PAQR5: variants seen among roughly 807,000 people sequenced by gnomAD.
The protein encoded by PAQR5 is progestin and adipoQ receptor family member 5.
In PAQR5, 20 loss-of-function variants were observed where a neutral mutation model predicts 34.5. The observed-to-expected ratio is 0.58, with a 90% CI of 0.41 to 0.84. PAQR5 has a LOEUF of 0.84. Among genes scored for constraint, PAQR5 ranks in the 40% least tolerant of loss-of-function variants. The pLI, the probability that PAQR5 is intolerant of heterozygous loss-of-function variation, is 0.00. For synonymous variants in PAQR5, 131 were observed against 155.6 expected, an observed-to-expected ratio of 0.84 and a Z score of 1.18; for missense variants, 378 against 412.7, an observed-to-expected ratio of 0.92 and a Z score of 0.73.
At chr15:69,361,587 G>C (rs4777138) in intron 3 of PAQR5, among the ~76,000 whole-genome samples, 130,076 of 152,108 alleles carry the variant, frequency 0.86, 57,314 homozygotes, top group South Asian at 0.98. Context: ...AATCATGAGG[G>C]AAGAGGCACG....
chr15:69,322,660 A>G (rs1179709083), intron 1 of PAQR5, among the ~76,000 whole-genome samples: 2 of 134,656 alleles, frequency 1.5e-5, no homozygotes, highest in African/African-American at 5.9e-5. Flanking sequence ...GTCTCAAAAA[A>G]AAAAAAAAAA....
intron 1 of PAQR5, among the ~76,000 whole-genome samples, chr15:69,311,724 C>T (rs2053838116): frequency 6.6e-6 from 1 of 152,164 alleles, no homozygotes; most frequent in African/African-American, 2.4e-5. Flanking sequence ...AGGATCTGAC[C>T]GAGGCCTCAC....
chr15:69,374,067 A>G (rs1043188154), intron 3 of PAQR5, among the ~76,000 whole-genome samples: 13 of 152,298 alleles, frequency 8.5e-5, no homozygotes, highest in African/African-American at 2.9e-4. Context: ...TAAATATTAT[A>G]CTGCATGTAC....
intron 5 of PAQR5, among the ~76,000 whole-genome samples, chr15:69,389,442 G>C (rs1265704040): frequency 2.0e-5 from 3 of 152,242 alleles, no homozygotes; most frequent in South Asian, 2.1e-4. Context: ...TTGGAGCAAA[G>C]CTGGGCTCAC....
intron 1 of PAQR5, among the ~76,000 whole-genome samples, chr15:69,310,873 C>T (rs2053814829): frequency 6.6e-6 from 1 of 151,438 alleles, no homozygotes; most frequent in African/African-American, 2.4e-5. Context: ...CCCGTCTCTA[C>T]TAAAAATACA....
intron 6 of PAQR5, among the ~76,000 whole-genome samples, chr15:69,392,607 C>T (rs1235280019): frequency 6.6e-6 from 1 of 152,074 alleles, no homozygotes; most frequent in Non-Finnish European, 1.5e-5. Flanking sequence ...CAGAGAGCAC[C>T]CAGTGCCATA....
intron 3 of PAQR5, among the ~76,000 whole-genome samples, chr15:69,370,634 C>T (rs926518949): frequency 6.6e-6 from 1 of 152,172 alleles, no homozygotes; most frequent in Admixed American, 6.5e-5. Flanking sequence ...ATTCTCCTGC[C>T]TCAGCCTCCC....
At chr15:69,344,942 CA>C (rs1358650262) in intron 2 of PAQR5, among the ~76,000 whole-genome samples, 1 of 151,990 alleles carries the variant, frequency 6.6e-6, no homozygotes, top group Non-Finnish European at 1.5e-5. Flanking sequence ...CCAAAAAATA[CA>C]AAAATTAGCT....
At position 69,385,581 on chromosome 15, in the gene PAQR5, TCTCTC is replaced by T. The variant is rs144328092; in HGVS notation, c.385+703_385+707del. 6.6e-6 allele frequency among the ~76,000 whole-genome samples: 1 copy of T among 152,186 alleles called. No individual in the cohort carries two copies. Among genetic ancestry groups the T allele is most frequent in the East Asian group, 1.9e-4 (1 of 5,182 alleles). ...TATGATGCTCCCTCCTCTGGCCTCT[TCTCTC>T]CTCCCCTTGTGGGCATGCATCTATC... On this transcript the variant is annotated intron_variant, in intron 5 of 8. Transcript: ENST00000395407. This position sits in a 1 kb window ranked among gnomAD's most constrained non-coding sequence, Gnocchi z 4.7.
At chr15:69,365,418 A>G (rs1203800016) in intron 3 of PAQR5, among the ~76,000 whole-genome samples, 1 of 152,164 alleles carries the variant, frequency 6.6e-6, no homozygotes, top group African/African-American at 2.4e-5. Flanking sequence ...TCCTTTATGA[A>G]TTTTATAGAA....
chr15:69,380,422 C>T (rs2055850902), intron 4 of PAQR5: 1 of 172,642 alleles, frequency 5.8e-6, no homozygotes, highest in Non-Finnish European at 1.2e-5. Flanking sequence ...TGATGGTCCG[C>T]ACCTCCCCAA....
chr15:69,318,961 C>T (rs2054018032), intron 1 of PAQR5, among the ~76,000 whole-genome samples: 1 of 151,348 alleles, frequency 6.6e-6, no homozygotes, highest in African/African-American at 2.4e-5. Context: ...TGGGGACACC[C>T]TGTCTCTAAT....
chr15:69,312,069 G>A lies in PAQR5; in HGVS notation c.-277+13013G>A, dbSNP rs780805486. 9.2e-5 allele frequency among the ~76,000 whole-genome samples: 14 copies of A among 152,098 alleles called. 1 individual carries two copies. The highest frequency in any genetic ancestry group is 4.1e-4 in the South Asian group (2 of 4,824). On this transcript the variant is annotated intron_variant, in intron 1 of 8. Coordinates refer to ENST00000395407, the MANE Select transcript of PAQR5 (RefSeq NM_017705.4). ...CTGAAGAATGGAGATGAGGAGATGC[G>A]TTGTAGTGGGAAAGGCAAGAGCAAA...
chr15:69,351,648 A>G (rs2054922928), intron 2 of PAQR5, among the ~76,000 whole-genome samples: 1 of 152,226 alleles, frequency 6.6e-6, no homozygotes, highest in Non-Finnish European at 1.5e-5. Context: ...ACAAGAGATC[A>G]TGCTGGCCCA....
chr15:69,303,718 C>G (rs1315287443), intron 1 of PAQR5, among the ~76,000 whole-genome samples: 1 of 152,108 alleles, frequency 6.6e-6, no homozygotes, highest in Non-Finnish European at 1.5e-5. Flanking sequence ...GATAACCGAC[C>G]AGTCTGAGAA....
At chr15:69,316,871 G>T (rs180851441) in intron 1 of PAQR5, among the ~76,000 whole-genome samples, 1 of 152,232 alleles carries the variant, frequency 6.6e-6, no homozygotes, top group South Asian at 2.1e-4. Flanking sequence ...CCCAGGCTGC[G>T]TGCAGTGGTG....
At chr15:69,309,677 C>A (rs1400678821) in intron 1 of PAQR5, among the ~76,000 whole-genome samples, 1 of 152,160 alleles carries the variant, frequency 6.6e-6, no homozygotes. Flanking sequence ...GATGGTGGCA[C>A]ATGCATGCAC....
chr15:69,339,647 T>A (rs1179993384), intron 2 of PAQR5, among the ~76,000 whole-genome samples: 1 of 152,100 alleles, frequency 6.6e-6, no homozygotes, highest in Non-Finnish European at 1.5e-5. Context: ...AATTTTTGTA[T>A]TTTTTATTAC....
intron 2 of PAQR5, among the ~76,000 whole-genome samples, chr15:69,353,330 C>T (rs2054975145): frequency 6.6e-6 from 1 of 152,164 alleles, no homozygotes; most frequent in Non-Finnish European, 1.5e-5. Flanking sequence ...ATTTGTCTCC[C>T]CTGAATGTGA....
Sources: gnomAD v4.1 joint callset for allele counts (sites outside exome capture counted in the v4.1 genomes callset) on GRCh38, gnomAD v4.1.1 for gene constraint, Gnocchi (gnomAD v3.1) non-coding constraint, MANE v1.5 for transcripts, NCBI Gene and HGNC (gene_info 2026-07-23, HGNC 2026-07-21) for gene names.